SHOC1: variants seen among roughly 807,000 people sequenced by gnomAD.
SHOC1 encodes protein shortage in chiasmata 1 ortholog.
A neutral mutation model predicts 179.2 loss-of-function variants in SHOC1; 136 were observed. The ratio of observed to expected loss-of-function variants is 0.76; its 90% confidence interval spans 0.66 to 0.87. The LOEUF (loss-of-function observed/expected upper bound fraction) is 0.87, where lower values mean the gene tolerates loss of function less well. Among genes scored for constraint, SHOC1 ranks in the 40% least tolerant of loss-of-function variants. The pLI, the probability that SHOC1 is intolerant of heterozygous loss-of-function variation, is 0.00. For missense variants in SHOC1, 1,538 were observed against 1,700.8 expected, an observed-to-expected ratio of 0.90 and a Z score of 1.68; for synonymous variants, 489 against 586.6, an observed-to-expected ratio of 0.83 and a Z score of 2.41.
rs548476368 is a variant in SHOC1 at position 111,748,079 on chromosome 9, T to A, written c.970+13A>T. The stretch of plus-strand genomic sequence containing the variant: ...AATCCCCAATAAGCTCAATGATTTA[T>A]CAAAATTTCTACCTGGTTTACTGCA... On this transcript the variant is annotated intron_variant, in intron 9 of 27. Transcript: ENST00000682961. 6.4e-7 allele frequency: 1 copy of A among 1,573,818 alleles called. No homozygotes were observed. The highest frequency in any genetic ancestry group is 2.2e-5 in the East Asian group (1 of 44,628).
intron 13 of SHOC1, 126 bp from the exon 14 acceptor site, chr9:111,724,037 TAA>T (rs1345687893): frequency 1.5e-6 from 1 of 686,896 alleles, no homozygotes; most frequent in Non-Finnish European, 2.4e-6. Flanking sequence ...ACATCAGTAT[TAA>T]AGTGAACAAC....
chr9:111,696,815 C>T (rs1831717655), intron 24 of SHOC1, among the ~76,000 whole-genome samples: 1 of 152,162 alleles, frequency 6.6e-6, no homozygotes. Flanking sequence ...AGTGGTAAGA[C>T]CTCACTAGAG....
chr9:111,793,440 T>A (rs1310335622), intron 1 of SHOC1, among the ~76,000 whole-genome samples: 3 of 152,232 alleles, frequency 2.0e-5, no homozygotes, highest in Non-Finnish European at 4.4e-5. Flanking sequence ...CCACTGAAAT[T>A]CATGCTAAAT....
At chr9:111,745,204 T>C (rs1333927797) in intron 10 of SHOC1, among the ~76,000 whole-genome samples, 1 of 152,192 alleles carries the variant, frequency 6.6e-6, no homozygotes, top group Non-Finnish European at 1.5e-5. Flanking sequence ...TCAACGATTG[T>C]CCACACTGCT....
Position 111,786,901 on chromosome 9 carries a change from A to G in SHOC1, c.46-866T>C, listed in dbSNP as rs545060370. On this transcript the variant is annotated intron_variant, in intron 2 of 27. Transcript: ENST00000682961. ...TGACTCTCTTGCTAGAAGCTAATGC[A>G]GTTGGTGATTTTAAGTTGAAGCTAA... 3.9e-5 allele frequency among the ~76,000 whole-genome samples: 6 copies of G among 152,336 alleles called. No individual in the cohort carries two copies. In the East Asian group the frequency reaches 1.2e-3, roughly 29 times the overall value.
chr9:111,793,258 G>A (rs1438747184), intron 1 of SHOC1, among the ~76,000 whole-genome samples: 1 of 152,070 alleles, frequency 6.6e-6, no homozygotes, highest in Non-Finnish European at 1.5e-5. Context: ...AAAACTGATT[G>A]TCTCATTCTA....
rs142901506 is a variant in SHOC1, at chr9:111,735,391, G to A, written c.1417+2889C>T. Among the ~76,000 whole-genome samples the A allele has an allele frequency of 2.9e-3, 435 of 152,120 alleles. 1 individual carries two copies. Among genetic ancestry groups the A allele is most frequent in the African/African-American group, 0.01 (424 of 41,498 alleles). On this transcript the variant is annotated intron_variant, in intron 12 of 27. Coordinates refer to ENST00000682961, the MANE Select transcript of SHOC1 (RefSeq NM_001378211.1). ...GATGTTCCCCTCCCTGTGTCCATGT[G>A]TTCTCATTGTTCAACTCTCACTTTT...
At chr9:111,739,200 A>G (rs1317795633) in intron 11 of SHOC1, among the ~76,000 whole-genome samples, 1 of 152,132 alleles carries the variant, frequency 6.6e-6, no homozygotes, top group African/African-American at 2.4e-5. Context: ...CAAGTTACTA[A>G]AAAACATCTG....
chr9:111,765,320 GGGCACAGT>G lies in SHOC1; in HGVS notation c.443-6480_443-6473del, dbSNP rs1589456133. Among the ~76,000 whole-genome samples, 4 of 151,186 alleles carry G rather than the reference GGGCACAGT, an allele frequency of 2.6e-5. No homozygotes were observed. In the East Asian group the frequency reaches 8.0e-4, roughly 30 times the overall value. On this transcript the variant is annotated intron_variant, in intron 5 of 27. Transcript: ENST00000682961. ...TAACTCAAAACTCTGGGTTTTGGCT[GGGCACAGT>G]GGCTGACGCCTGTAATCCCAGTGCT...
intron 2 of SHOC1, 90 bp from the exon 3 acceptor site, chr9:111,786,125 T>G (rs1015835007): frequency 3.2e-6 from 3 of 936,246 alleles, no homozygotes; most frequent in Non-Finnish European, 4.3e-6. Flanking sequence ...CTTTGAAACT[T>G]ATATGATTTT....
Position 111,691,985 on chromosome 9 carries a change from G to T in SHOC1, c.3992C>A (p.Thr1331Lys). 2 of 1,613,220 alleles carry T rather than the reference G, an allele frequency of 1.2e-6. No individual in the cohort carries two copies. Among genetic ancestry groups the T allele is most frequent in the Non-Finnish European group, 1.7e-6 (2 of 1,179,634 alleles). Residue 1331 changes from threonine (T) to lysine (K), a missense_variant, in exon 27 of 28, where the codon ACA (threonine) becomes AAA (lysine). Transcript: ENST00000682961. ...ATTTATGAAACCTTTTGCTTCATGT[G>T]TTCTCCTTTTCTGAGAATTTATAAA... Reference protein sequence around the residue: ...PRFINSQKRRTHEAKGFINKD... With the variant: ...PRFINSQKRRKHEAKGFINKD...
chr9:111,758,079 A>T lies in SHOC1; in HGVS notation c.708+5T>A. On this transcript the variant is annotated splice_donor_5th_base_variant and intron_variant, in intron 7 of 27. Coordinates refer to ENST00000682961, the MANE Select transcript of SHOC1 (RefSeq NM_001378211.1). Reference sequence around the variant, plus strand: ...TAAAATATTATTGAAAGCCAGTATTACAACCTCATTTAAACATATTGTATC... The same window carrying T: ...TAAAATATTATTGAAAGCCAGTATTTCAACCTCATTTAAACATATTGTATC... The T allele has an allele frequency of 7.1e-7, 1 of 1,418,084 alleles. No individual in the cohort carries two copies. Among genetic ancestry groups the T allele is most frequent in the Non-Finnish European group, 9.7e-7 (1 of 1,031,236 alleles). 87.8% of individuals were successfully genotyped at this position (1,418,084 alleles called of 1,614,324 possible).
chr9:111,775,804 T>G lies in SHOC1; in HGVS notation c.429A>C (p.Gln143His), dbSNP rs556156796. The stretch of plus-strand genomic sequence containing the variant: ...TAAACGTTTTACCTTGGTTCTGGTT[T>G]TGAAGTGCTGAACATTTTTCTAAAC... ...VSCLEKCSAL[Q>H]NQNQDLFIDD... Residue 143 changes from glutamine (Q) to histidine (H), a missense_variant, in exon 5 of 28, where the codon CAA becomes CAC. Coordinates refer to ENST00000682961, the MANE Select transcript of SHOC1 (RefSeq NM_001378211.1). The G allele has an allele frequency of 6.2e-7, 1 of 1,607,014 alleles. No homozygotes were observed. The highest frequency in any genetic ancestry group is 1.3e-5 in the African/African-American group (1 of 74,810).
chr9:111,745,248 A>G (rs186657985), intron 10 of SHOC1, among the ~76,000 whole-genome samples: 5 of 152,330 alleles, frequency 3.3e-5, no homozygotes, highest in African/African-American at 1.2e-4. Context: ...CCACAGACCT[A>G]TGACAAATCT....
At position 111,720,656 on chromosome 9, in the gene SHOC1, G is replaced by A. The variant is rs113826245; in HGVS notation, c.2131+1753C>T. Among the ~76,000 whole-genome samples the A allele has an allele frequency of 2.0e-4, 31 of 151,968 alleles. 1 individual carries two copies. The highest frequency in any genetic ancestry group is 7.5e-4 in the African/African-American group (31 of 41,434). On this transcript the variant is annotated intron_variant, in intron 15 of 27. Coordinates refer to ENST00000682961, the MANE Select transcript of SHOC1 (RefSeq NM_001378211.1). ...TTTTATTTCTTTTTCATTCTTTCAT[G>A]CTTTACAGTTTTTGCAGAGTGATTG... is the stretch of plus-strand genomic sequence containing the variant.
intron 12 of SHOC1, among the ~76,000 whole-genome samples, chr9:111,736,597 T>G (rs1030925660): frequency 6.6e-6 from 1 of 152,156 alleles, no homozygotes; most frequent in African/African-American, 2.4e-5. Context: ...TGTGAGACCT[T>G]AAACTATAAG....
chr9:111,734,555 T>G (rs1833734376), intron 12 of SHOC1, among the ~76,000 whole-genome samples: 2 of 152,164 alleles, frequency 1.3e-5, no homozygotes, highest in Admixed American at 1.3e-4. Context: ...AAAAATTTAT[T>G]TTACATCCCT....
intron 1 of SHOC1, among the ~76,000 whole-genome samples, chr9:111,794,642 T>A (rs986066258): frequency 6.6e-6 from 1 of 152,116 alleles, no homozygotes; most frequent in Admixed American, 6.5e-5. Context: ...TTTTCCCTTA[T>A]TGTTTAGCCC....
chr9:111,689,107 G>A (rs1356145118), intron 27 of SHOC1, among the ~76,000 whole-genome samples: 1 of 151,850 alleles, frequency 6.6e-6, no homozygotes, highest in East Asian at 1.9e-4. Context: ...AAGGCAGGGT[G>A]GGGTGCAGTA....
Sources: allele counts gnomAD v4.1 joint callset (sites outside exome capture counted in the v4.1 genomes callset), GRCh38; gene constraint gnomAD v4.1.1; transcripts MANE v1.5; gene names NCBI Gene and HGNC (gene_info 2026-07-23, HGNC 2026-07-21).